LMNB2: variants seen among roughly 807,000 people sequenced by gnomAD.
The protein encoded by LMNB2 is lamin B2.
A neutral mutation model predicts 69.3 loss-of-function variants in LMNB2; 17 were observed. That is an observed-to-expected ratio of 0.25 (90% CI 0.17 to 0.37). The LOEUF is 0.37. Among genes scored for constraint, LMNB2 ranks in the 10% least tolerant of loss-of-function variants. The pLI is 1.00. For missense variants in LMNB2, 789 were observed against 883.6 expected (o/e 0.89, Z 1.36); for synonymous variants, 397 against 389.3 (o/e 1.02, Z -0.23).
intron 2 of LMNB2, among the ~76,000 whole-genome samples, chr19:2,440,749 C>T (rs986537994): frequency 1.3e-5 from 2 of 151,748 alleles, no homozygotes; most frequent in African/African-American, 4.8e-5. Context: ...TCTATCCACT[C>T]ATCCATCCAT....
rs1327057998 is a variant in LMNB2 at position 2,429,069 on chromosome 19, A to AC, written c.*1841dup. 8 of 152,338 alleles carry AC rather than the reference A, an allele frequency of 5.3e-5. No homozygotes were observed. Among genetic ancestry groups the AC allele is most frequent in the African/African-American group, 1.9e-4 (8 of 41,548 alleles). 9.4% of individuals were successfully genotyped at this position (152,338 alleles called of 1,614,324 possible). A position where few individuals can be genotyped will look rare whatever the true frequency, so the allele number is the denominator to read the frequency against. On this transcript the variant is annotated 3_prime_UTR_variant, in exon 12 of 12. Transcript: ENST00000325327. ...CTGCAAGGCTGTCGGCAAATCACAGACCAACTCCAGGATACAGCTTTGCTC... is the reference window on the plus strand; with the variant it reads ...CTGCAAGGCTGTCGGCAAATCACAGACCCAACTCCAGGATACAGCTTTGCTC...
chr19:2,448,044 G>A (rs569043795), intron 1 of LMNB2, among the ~76,000 whole-genome samples: 17 of 152,226 alleles, frequency 1.1e-4, no homozygotes, highest in Non-Finnish European at 2.1e-4. Context: ...ACCAATTGTA[G>A]GACGGGGACC....
At chr19:2,444,379 G>A (rs371156265) in intron 2 of LMNB2, 25 bp downstream of exon 2, 133 of 1,613,150 alleles carry the variant, frequency 8.2e-5, no homozygotes, top group Non-Finnish European at 1.1e-4. Flanking sequence ...TCAGGGTGAC[G>A]TCGTGCCCAG....
intron 2 of LMNB2, among the ~76,000 whole-genome samples, chr19:2,442,943 G>T (rs1257566487): frequency 1.3e-5 from 2 of 152,218 alleles, no homozygotes; most frequent in Non-Finnish European, 2.9e-5. Context: ...GGGGCCAGCA[G>T]CAGCTCTGTC....
chr19:2,430,879 TAAAG>T lies in LMNB2; in HGVS notation c.*28_*31del, dbSNP rs750759227. ...AAAAATAGTTTTCAGTGGCTCTGGG[TAAAG>T]AAAGGTGTGTGGATGAGGAGTGTGG... On this transcript the variant is annotated 3_prime_UTR_variant, in exon 12 of 12. Transcript: ENST00000325327. 7.0e-7 allele frequency: 1 copy of T among 1,419,198 alleles called. No homozygotes were observed. The highest frequency in any genetic ancestry group is 1.1e-5 in the South Asian group (1 of 87,096). The allele number at this position is 1,419,198 out of a possible 1,614,324, so 87.9% of individuals were successfully genotyped here.
In LMNB2 at chr19:2,441,253, C is replaced by T. The variant is rs371381792; in HGVS notation, c.402-2722G>A. Among the ~76,000 whole-genome samples the T allele has an allele frequency of 1.3e-3, 201 of 152,402 alleles. 1 individual carries two copies. Among genetic ancestry groups the T allele is most frequent in the African/African-American group, 4.4e-3 (182 of 41,606 alleles). The stretch of plus-strand genomic sequence containing the variant: ...GTACCCTGAATCCCGGGTCTGGCTC[C>T]GGTTGTGTCCCGCCAGGGCAGGGCG... On this transcript the variant is annotated intron_variant, in intron 2 of 11. Coordinates refer to ENST00000325327, the MANE Select transcript of LMNB2 (RefSeq NM_032737.4).
chr19:2,440,284 G>C (rs888505792), intron 2 of LMNB2, among the ~76,000 whole-genome samples: 3 of 150,932 alleles, frequency 2.0e-5, no homozygotes, highest in Middle Eastern at 3.5e-3. Flanking sequence ...TCCACCTCCC[G>C]GGTTCAAGCG....
At chr19:2,438,964 T>C (rs1355600493) in intron 2 of LMNB2, among the ~76,000 whole-genome samples, 2 of 151,038 alleles carry the variant, frequency 1.3e-5, no homozygotes, top group Non-Finnish European at 2.9e-5. Flanking sequence ...CAACATTAGA[T>C]ATTTAAGATA....
At chr19:2,456,542 C>A (rs1245497157) in intron 1 of LMNB2, 128 bp downstream of exon 1, 2 of 1,035,652 alleles carry the variant, frequency 1.9e-6, no homozygotes, top group Non-Finnish European at 2.5e-6. Context: ...CGAAACCCCG[C>A]GGAAACCCCC....
At chr19:2,446,236 C>T (rs57185134) in intron 1 of LMNB2, among the ~76,000 whole-genome samples, 11,084 of 150,382 alleles carry the variant, frequency 0.074, 636 homozygotes, top group East Asian at 0.28. Context: ...CCACCTTTCC[C>T]GACGGAGACC....
At chr19:2,437,267 G>C (rs1971839549) in intron 4 of LMNB2, 2 of 152,670 alleles carry the variant, frequency 1.3e-5, no homozygotes, top group South Asian at 4.1e-4. Context: ...CGGAGGCAGA[G>C]GCCCCAGGTG....
At chr19:2,444,205 C>T (rs1055902879) in intron 2 of LMNB2, among the ~76,000 whole-genome samples, 199 bp downstream of exon 2, 2 of 152,158 alleles carry the variant, frequency 1.3e-5, no homozygotes, top group African/African-American at 2.4e-5. Context: ...TCCTGCTGTC[C>T]GATGTGAGCA....
Position 2,453,739 on chromosome 19 carries a change from C to T in LMNB2, c.264+2931G>A, listed in dbSNP as rs541232937. Among the ~76,000 whole-genome samples, 45 of 152,270 alleles carry T rather than the reference C, an allele frequency of 3.0e-4. No individual in the cohort carries two copies. Among genetic ancestry groups the T allele is most frequent in the African/African-American group, 8.9e-4 (37 of 41,572 alleles). ...CCAGGCTCCCTCTAGGGCACAGGGC[C>T]GGTCCAATGGGGCGTCCAGTGGGGC... On this transcript the variant is annotated intron_variant, in intron 1 of 11. Coordinates refer to ENST00000325327, the MANE Select transcript of LMNB2 (RefSeq NM_032737.4). This position sits in a 1 kb window ranked among gnomAD's most constrained non-coding sequence, Gnocchi z 4.4.
chr19:2,450,121 C>CAT (rs944605865), intron 1 of LMNB2, among the ~76,000 whole-genome samples: 138 of 142,416 alleles, frequency 9.7e-4, no homozygotes, highest in South Asian at 1.6e-3. Flanking sequence ...TATATATACA[C>CAT]ATATATATAT....
At chr19:2,438,041 C>A in intron 4 of LMNB2, 122 bp downstream of exon 4, 1 of 1,458,018 alleles carries the variant, frequency 6.9e-7, no homozygotes, top group Non-Finnish European at 9.5e-7. Flanking sequence ...AGGAAGGAGC[C>A]TCCCTAGAGC....
At chr19:2,446,357 TAAGCCCCGCGCA>T (rs1971955663) in intron 1 of LMNB2, among the ~76,000 whole-genome samples, 1 of 151,746 alleles carries the variant, frequency 6.6e-6, no homozygotes, top group East Asian at 2.0e-4. Context: ...AGCCCCTCCC[TAAGCCCCGCGCA>T]AAGCCCCCAA....
chr19:2,455,975 A>T (rs1471100424), intron 1 of LMNB2, among the ~76,000 whole-genome samples: 1 of 143,140 alleles, frequency 7.0e-6, no homozygotes, highest in Non-Finnish European at 1.5e-5. Context: ...CCCGGTCTGC[A>T]CCCCTGCCCA....
chr19:2,456,598 C>T, intron 1 of LMNB2, 72 bp downstream of exon 1: 3 of 1,322,194 alleles, frequency 2.3e-6, no homozygotes, highest in Non-Finnish European at 2.9e-6. Context: ...AGGGTCCCCG[C>T]GATCGCGCGC....
At position 2,456,928 on chromosome 19, in the gene LMNB2, G is replaced by A. The variant is rs1972098826; in HGVS notation, c.6C>T (p.Ser2=). Residue 2 remains serine, a synonymous_variant, in exon 1 of 12, where the codon AGC becomes AGT. Coordinates refer to ENST00000325327, the MANE Select transcript of LMNB2 (RefSeq NM_032737.4). M[S]PPSPGRRREQ... Reference sequence around the variant, plus strand: ...CCCGACGGCGGCCCGGGCTCGGCGGGCTCATTCAATCCGCGCCGCCGGCTG... The same window carrying A: ...CCCGACGGCGGCCCGGGCTCGGCGGACTCATTCAATCCGCGCCGCCGGCTG... 3 of 992,582 alleles carry A rather than the reference G, an allele frequency of 3.0e-6. No individual in the cohort carries two copies. Among genetic ancestry groups the A allele is most frequent in the African/African-American group, 1.8e-5 (1 of 56,920 alleles). 61.5% of individuals were successfully genotyped at this position (992,582 alleles called of 1,614,324 possible).
Sources: allele counts gnomAD v4.1 joint callset (sites outside exome capture counted in the v4.1 genomes callset), GRCh38; gene constraint gnomAD v4.1.1; non-coding constraint Gnocchi (gnomAD v3.1); transcripts MANE v1.5; gene names NCBI Gene and HGNC (gene_info 2026-07-23, HGNC 2026-07-21).